RNF150: variants seen among roughly 807,000 people sequenced by gnomAD.
RNF150 encodes ring finger protein 150.
Under a neutral mutation model 39.3 loss-of-function variants are expected in RNF150, and 24 were observed. That is an observed-to-expected ratio of 0.61 (90% confidence interval 0.44 to 0.86). The LOEUF (loss-of-function observed/expected upper bound fraction) is 0.86. RNF150 is among the 40% of genes least tolerant of loss of function. RNF150 has a pLI of 0.00. For synonymous variants in RNF150, 255 were observed against 227.3 expected, an observed-to-expected ratio of 1.12 and a Z score of -1.10; for missense variants, 502 against 587.8, an observed-to-expected ratio of 0.85 and a Z score of 1.51.
intron 2 of RNF150, among the ~76,000 whole-genome samples, chr4:140,957,898 T>G: frequency 9.6e-6 from 1 of 103,664 alleles, no homozygotes; most frequent in Non-Finnish European, 1.9e-5. Flanking sequence ...TGGGGACTGT[T>G]GTGGGGTGGG....
chr4:141,091,963 G>A (rs768825024), intron 1 of RNF150, among the ~76,000 whole-genome samples: 5 of 152,066 alleles, frequency 3.3e-5, no homozygotes, highest in Non-Finnish European at 7.4e-5. Flanking sequence ...CAATATCCAA[G>A]GCCAACATAT....
intron 2 of RNF150, among the ~76,000 whole-genome samples, chr4:140,955,424 GCTAA>G (rs895962933): frequency 1.6e-4 from 24 of 152,224 alleles, no homozygotes; most frequent in African/African-American, 5.3e-4. Flanking sequence ...TTTGTCACTA[GCTAA>G]CTGTGTGACT....
intron 6 of RNF150, among the ~76,000 whole-genome samples, chr4:140,902,082 A>G (rs1730208906): frequency 6.6e-6 from 1 of 152,190 alleles, no homozygotes; most frequent in African/African-American, 2.4e-5. Context: ...ACAGATTTCT[A>G]TGAATGATTA....
chr4:141,039,133 G>A (rs1240139065), intron 1 of RNF150, among the ~76,000 whole-genome samples: 2 of 152,182 alleles, frequency 1.3e-5, no homozygotes, highest in East Asian at 3.8e-4. Flanking sequence ...GAGGTCTCAG[G>A]AAGAATACCT....
At chr4:141,211,680 G>GC (rs1728468417) in intron 1 of RNF150, among the ~76,000 whole-genome samples, 1 of 148,500 alleles carries the variant, frequency 6.7e-6, no homozygotes, top group Non-Finnish European at 1.5e-5. Context: ...AACTTACTTT[G>GC]TTTTTTTTTT....
In RNF150 at chr4:140,981,209, T is replaced by C. The variant is rs568150682; in HGVS notation, c.485-13336A>G. On this transcript the variant is annotated intron_variant, in intron 1 of 6. Coordinates refer to ENST00000515673, the MANE Select transcript of RNF150 (RefSeq NM_020724.2). Reference sequence around the variant, plus strand: ...ACCAACTACAGGTTGAGTATCCTTATTTGACATGATTGGGACCAGAAGTGT... The same window carrying C: ...ACCAACTACAGGTTGAGTATCCTTACTTGACATGATTGGGACCAGAAGTGT... 1.9e-3 allele frequency among the ~76,000 whole-genome samples: 292 copies of C among 152,274 alleles called. 3 individuals are homozygous for C. Among genetic ancestry groups the C allele is most frequent in the African/African-American group, 6.8e-3 (282 of 41,566 alleles).
upstream of RNF150, among the ~76,000 whole-genome samples, chr4:141,137,391 A>C (rs1418899263): frequency 6.6e-6 from 1 of 152,234 alleles, no homozygotes; most frequent in East Asian, 1.9e-4. Context: ...GGAAGGTGGC[A>C]ATGAGCATGG....
Position 140,859,928 on chromosome 4 carries a change from A to G in RNF150, c.*8333T>C, listed in dbSNP as rs909921810. On this transcript the variant is annotated 3_prime_UTR_variant, in exon 7 of 7. Coordinates refer to ENST00000515673, the MANE Select transcript of RNF150 (RefSeq NM_020724.2). ...ATATTTTTTTTTTAGCCAGTACGTA[A>G]GAACACGATTGCACTTATTTACATG... 5 of 152,196 alleles carry G rather than the reference A, an allele frequency of 3.3e-5. No homozygotes were observed. Among genetic ancestry groups the G allele is most frequent in the African/African-American group, 1.2e-4 (5 of 41,464 alleles). The allele number at this position is 152,196 out of a possible 1,614,324, so 9.4% of individuals were successfully genotyped here.
chr4:140,934,074 G>A (rs932186029), intron 4 of RNF150, among the ~76,000 whole-genome samples: 1 of 152,190 alleles, frequency 6.6e-6, no homozygotes, highest in Non-Finnish European at 1.5e-5. Flanking sequence ...GCAGTGGCGT[G>A]ATCTAGGCTC....
chr4:140,942,260 G>A (rs146756010), intron 4 of RNF150, among the ~76,000 whole-genome samples: 123 of 152,296 alleles, frequency 8.1e-4, no homozygotes, highest in African/African-American at 2.9e-3. Context: ...CCTTGCTCAG[G>A]CAAAACTAAC....
chr4:141,064,028 C>T (rs929302352), intron 1 of RNF150, among the ~76,000 whole-genome samples: 2 of 143,252 alleles, frequency 1.4e-5, no homozygotes, highest in Non-Finnish European at 3.0e-5. Flanking sequence ...GCTTCATAAA[C>T]AGATTTAATG....
At chr4:140,967,492 G>C in intron 2 of RNF150, 131 bp downstream of exon 2, 2 of 662,130 alleles carry the variant, frequency 3.0e-6, no homozygotes, top group South Asian at 2.2e-5. Flanking sequence ...AAATGATACA[G>C]CAAATGTTAA....
chr4:140,940,118 C>A (rs1443137281), intron 4 of RNF150, among the ~76,000 whole-genome samples: 1 of 152,164 alleles, frequency 6.6e-6, no homozygotes, highest in East Asian at 1.9e-4. Flanking sequence ...GCCTCTCAGC[C>A]AGACATTTGG....
At chr4:141,134,071 G>C (rs866936697), upstream of RNF150, among the ~76,000 whole-genome samples, 1 of 152,196 alleles carries the variant, frequency 6.6e-6, no homozygotes, top group African/African-American at 2.4e-5. Flanking sequence ...TTTTCTTATA[G>C]AATAGGTGTT....
chr4:140,944,939 G>C (rs766146282), intron 4 of RNF150: 1 of 152,174 alleles, frequency 6.6e-6, no homozygotes, highest in Non-Finnish European at 1.5e-5. Context: ...AGTGCAAACT[G>C]TCTGGCAGAA....
At chr4:141,078,718 C>T (rs965940096) in intron 1 of RNF150, among the ~76,000 whole-genome samples, 2 of 141,388 alleles carry the variant, frequency 1.4e-5, no homozygotes, top group East Asian at 2.1e-4. Context: ...TGAACCCAGG[C>T]GGTGGAGCTT....
At position 140,911,196 on chromosome 4, in the gene RNF150, G is replaced by T; in HGVS notation, c.1146C>A (p.Val382=). 1 of 1,614,138 alleles carries T rather than the reference G, an allele frequency of 6.2e-7. No homozygotes were observed. The highest frequency in any genetic ancestry group is 2.2e-5 in the East Asian group (1 of 44,890). Residue 382 remains valine (V), a synonymous_variant, in exon 6 of 7, where the codon GTC becomes GTA. Transcript: ENST00000515673. ...CCTGGGGGATGGGGTCTGTATCCTGGACCACCTGCAAGGCTCCCACAGTCC... is the reference window on the plus strand; with the variant it reads ...CCTGGGGGATGGGGTCTGTATCCTGTACCACCTGCAAGGCTCCCACAGTCC... ...AVRTVGALQV[V]QDTDPIPQEG... is the part of the protein sequence containing the mutation.
chr4:141,053,557 T>C (rs1736857986), intron 1 of RNF150: 1 of 493,880 alleles, frequency 2.0e-6, no homozygotes, highest in Non-Finnish European at 3.3e-6. Context: ...AGAAATGTTA[T>C]TTAAATTGGG....
At chr4:141,156,219 C>T (rs1160165387) in intron 1 of RNF150, among the ~76,000 whole-genome samples, 3 of 152,140 alleles carry the variant, frequency 2.0e-5, no homozygotes, top group Non-Finnish European at 4.4e-5. Context: ...GGGAGCTGAA[C>T]ATTTTATTTT....
Sources: allele counts gnomAD v4.1 joint callset (sites outside exome capture counted in the v4.1 genomes callset), GRCh38; gene constraint gnomAD v4.1.1; transcripts MANE v1.5; gene names NCBI Gene and HGNC (gene_info 2026-07-23, HGNC 2026-07-21).